RFTN1: variants seen among roughly 807,000 people sequenced by gnomAD.
RFTN1 encodes the protein raftlin.
RFTN1 carries 26 observed loss-of-function variants against 46.5 expected under a neutral mutation model. The ratio of observed to expected loss-of-function variants is 0.56; its 90% CI spans 0.41 to 0.78. RFTN1 has a LOEUF of 0.78. Among genes scored for constraint, RFTN1 ranks in the 30% least tolerant of loss-of-function variants. RFTN1 has a pLI of 0.00. For missense variants in RFTN1, 693 were observed against 718.7 expected (o/e 0.96, Z 0.41); for synonymous variants, 261 against 284.2 (o/e 0.92, Z 0.82).
chr3:16,441,571 G>T (rs774064904), intron 2 of RFTN1, among the ~76,000 whole-genome samples: 1 of 152,114 alleles, frequency 6.6e-6, no homozygotes, highest in Non-Finnish European at 1.5e-5. Flanking sequence ...AGAAACCACC[G>T]CATACAGCAA....
chr3:16,468,156 G>A lies in RFTN1; in HGVS notation c.145+25569C>T, dbSNP rs544224648. ...AGGGTGAGCTATATTTATATCCCAC[G>A]GCTGGTGATGCCTCAGCACACTTCA... On this transcript the variant is annotated intron_variant, in intron 2 of 9. Coordinates refer to ENST00000334133, the MANE Select transcript of RFTN1 (RefSeq NM_015150.2). The surrounding 1 kb of genome is among the most constrained non-coding windows in gnomAD (Gnocchi z 4.4). Among the ~76,000 whole-genome samples, 6 of 152,258 alleles carry A rather than the reference G, an allele frequency of 3.9e-5. No individual in the cohort carries two copies. The highest frequency in any genetic ancestry group is 6.5e-5 in the Admixed American group (1 of 15,302).
At chr3:16,354,156 C>A (rs2072274751) in intron 7 of RFTN1, among the ~76,000 whole-genome samples, 1 of 152,142 alleles carries the variant, frequency 6.6e-6, no homozygotes, top group Non-Finnish European at 1.5e-5. Flanking sequence ...CCAAGAAACT[C>A]ACAACGGAGG....
intron 2 of RFTN1, among the ~76,000 whole-genome samples, chr3:16,482,424 G>T (rs2076381588): frequency 6.6e-6 from 1 of 152,140 alleles, no homozygotes; most frequent in Admixed American, 6.5e-5. Flanking sequence ...CTAGAGTAGG[G>T]CTCAATCAAA....
Position 16,446,422 on chromosome 3 carries a change from G to A in RFTN1, c.146-12385C>T, listed in dbSNP as rs1233856455. On this transcript the variant is annotated intron_variant, in intron 2 of 9. Transcript: ENST00000334133. This position sits in a 1 kb window ranked among gnomAD's most constrained non-coding sequence, Gnocchi z 4.5. ...CATCTATCTCCAGGAAATCTTCATC[G>A]GCCTCATCTCTCGGTCCACGTCCAA... Among the ~76,000 whole-genome samples, 2 of 151,674 alleles carry A rather than the reference G, an allele frequency of 1.3e-5. No individual in the cohort carries two copies. The highest frequency in any genetic ancestry group is 2.4e-5 in the African/African-American group (1 of 41,250).
intron 1 of RFTN1, among the ~76,000 whole-genome samples, chr3:16,508,995 CT>C (rs2076855730): frequency 1.3e-5 from 2 of 152,198 alleles, no homozygotes; most frequent in South Asian, 4.1e-4. Context: ...ATTTTCTTTT[CT>C]TTTAATTCAT....
In RFTN1 at chr3:16,337,369, G is replaced by A. The variant is rs2070955374; in HGVS notation, c.1147-10493C>T. 1.3e-5 allele frequency: 2 copies of A among 152,132 alleles called. No individual in the cohort carries two copies. The highest frequency in any genetic ancestry group is 4.1e-4 in the South Asian group (2 of 4,826). The allele number at this position is 152,132 out of a possible 1,614,324, so 9.4% of individuals were successfully genotyped here. On this transcript the variant is annotated intron_variant, in intron 7 of 9. Coordinates refer to ENST00000334133, the MANE Select transcript of RFTN1 (RefSeq NM_015150.2). The surrounding 1 kb of genome is among the most constrained non-coding windows in gnomAD (Gnocchi z 5.0). ...CTTTATTACACAGCAGAAGCTAACT[G>A]GTGTATTACTATTATTACTATTATT...
intron 7 of RFTN1, among the ~76,000 whole-genome samples, chr3:16,340,892 T>A (rs1383753939): frequency 1.1e-4 from 16 of 152,164 alleles, no homozygotes; most frequent in Admixed American, 1.0e-3. Context: ...AGGAGAAATA[T>A]CTGCAAAAGC....
rs370820242 is a variant in RFTN1 at position 16,345,788 on chromosome 3, C to CTGTGTGTGTGTG, written c.1146+12132_1146+12143dup. Among the ~76,000 whole-genome samples the CTGTGTGTGTGTG allele has an allele frequency of 8.0e-3, 1,023 of 127,192 alleles. 7 individuals are homozygous for CTGTGTGTGTGTG. Among genetic ancestry groups the CTGTGTGTGTGTG allele is most frequent in the South Asian group, 0.011 (40 of 3,584 alleles). The allele number at this position is 127,192 out of a possible 152,430, so 83.4% of individuals were successfully genotyped here. ...TGAGCCAAAACCTTATAATAAATCT[C>CTGTGTGTGTGTG]TGTGTGTGTGTGTGTGTGTGTGTGT... On this transcript the variant is annotated intron_variant, in intron 7 of 9. Coordinates refer to ENST00000334133, the MANE Select transcript of RFTN1 (RefSeq NM_015150.2). The surrounding 1 kb of genome is among the most constrained non-coding windows in gnomAD (Gnocchi z 5.2).
intron 2 of RFTN1, among the ~76,000 whole-genome samples, chr3:16,482,242 G>C (rs773739165): frequency 2.0e-5 from 3 of 152,102 alleles, no homozygotes; most frequent in Non-Finnish European, 2.9e-5. Context: ...TATTTGTCAG[G>C]CTCCCTATTT....
At chr3:16,488,207 A>T (rs1023073729) in intron 2 of RFTN1, among the ~76,000 whole-genome samples, 2 of 151,376 alleles carry the variant, frequency 1.3e-5, no homozygotes, top group African/African-American at 4.9e-5. Flanking sequence ...GGTTCAAGCA[A>T]TTCTGCCTCA....
At chr3:16,434,408 C>CAAAAA (rs752211010) in intron 2 of RFTN1, among the ~76,000 whole-genome samples, 2 of 150,182 alleles carry the variant, frequency 1.3e-5, no homozygotes, top group East Asian at 2.0e-4. Flanking sequence ...ACAAAAAAAC[C>CAAAAA]CCCTCAAAAT....
intron 3 of RFTN1, among the ~76,000 whole-genome samples, chr3:16,431,197 C>T (rs578143545): frequency 2.0e-4 from 31 of 152,354 alleles, no homozygotes; most frequent in Non-Finnish European, 4.3e-4. Flanking sequence ...CTCCTGGCCA[C>T]GAGTTCTGTG....
rs2076817070 is a variant in RFTN1, at chr3:16,506,936, C to A, written c.-9+6506G>T. On this transcript the variant is annotated intron_variant, in intron 1 of 9. Coordinates refer to ENST00000334133, the MANE Select transcript of RFTN1 (RefSeq NM_015150.2). This position sits in a 1 kb window ranked among gnomAD's most constrained non-coding sequence, Gnocchi z 4.8. ...ATGGTAAAGGGCATTTGGAATATTC[C>A]ATCTGTGGCTCTCAAATTCACTTTC... 2.6e-5 allele frequency among the ~76,000 whole-genome samples: 4 copies of A among 152,170 alleles called. No individual in the cohort carries two copies. In the South Asian group the frequency reaches 8.3e-4, roughly 32 times the overall value.
At chr3:16,416,826 C>T (rs1220757617) in intron 3 of RFTN1, among the ~76,000 whole-genome samples, 1 of 152,104 alleles carries the variant, frequency 6.6e-6, no homozygotes, top group Non-Finnish European at 1.5e-5. Flanking sequence ...CAGAAAAACT[C>T]AAAACTACTT....
chr3:16,410,977 C>A lies in RFTN1; in HGVS notation c.333-1494G>T, dbSNP rs1048087062. 6.6e-6 allele frequency among the ~76,000 whole-genome samples: 1 copy of A among 152,212 alleles called. No homozygotes were observed. Among genetic ancestry groups the A allele is most frequent in the Non-Finnish European group, 1.5e-5 (1 of 68,030 alleles). ...ACAAGAGTGGTACTGCAGCTAAAGGCTGGCAGAACGTGCTGTCTCTTCTAG... is the reference window on the plus strand; with the variant it reads ...ACAAGAGTGGTACTGCAGCTAAAGGATGGCAGAACGTGCTGTCTCTTCTAG... On this transcript the variant is annotated intron_variant, in intron 3 of 9. Coordinates refer to ENST00000334133, the MANE Select transcript of RFTN1 (RefSeq NM_015150.2). The surrounding 1 kb of genome is among the most constrained non-coding windows in gnomAD (Gnocchi z 4.6).
Position 16,483,827 on chromosome 3 carries a change from C to T in RFTN1, c.145+9898G>A, listed in dbSNP as rs751553252. Among the ~76,000 whole-genome samples the T allele has an allele frequency of 2.0e-5, 3 of 152,112 alleles. No homozygotes were observed. Among genetic ancestry groups the T allele is most frequent in the Admixed American group, 2.0e-4 (3 of 15,274 alleles). On this transcript the variant is annotated intron_variant, in intron 2 of 9. Coordinates refer to ENST00000334133, the MANE Select transcript of RFTN1 (RefSeq NM_015150.2). The surrounding 1 kb of genome is among the most constrained non-coding windows in gnomAD (Gnocchi z 4.8). ...CCAAGTGTGGTCCCCAGACCAGCAG[C>T]ATCAGCATTGCCTGGGAACTTATTA...
intron 2 of RFTN1, chr3:16,482,600 C>G (rs1323644060): frequency 2.7e-6 from 2 of 754,464 alleles, no homozygotes; most frequent in Non-Finnish European, 4.6e-6. Flanking sequence ...GTTGCAGAAC[C>G]ACGGGCACAT....
At chr3:16,386,092 T>C (rs1288208623) in intron 4 of RFTN1, among the ~76,000 whole-genome samples, 1 of 152,256 alleles carries the variant, frequency 6.6e-6, no homozygotes, top group Admixed American at 6.5e-5. Context: ...AAAGAATGCA[T>C]GCCAGCCTTC....
intron 8 of RFTN1, among the ~76,000 whole-genome samples, chr3:16,324,789 ATGCAGATCCCTCTTCTGCATAC>A (rs2069530736): frequency 4.6e-5 from 7 of 152,064 alleles, no homozygotes; most frequent in Admixed American, 4.6e-4. Context: ...GATCATGGAA[ATGCAGATCCCTCTTCTGCATAC>A]TGATTTCAGT....
Sources: gnomAD v4.1 joint callset for allele counts (sites outside exome capture counted in the v4.1 genomes callset) on GRCh38, gnomAD v4.1.1 for gene constraint, Gnocchi (gnomAD v3.1) non-coding constraint, MANE v1.5 for transcripts, NCBI Gene and HGNC (gene_info 2026-07-23, HGNC 2026-07-21) for gene names.